Variants in TENM2 observed in about 807,000 individuals in gnomAD.
TENM2 encodes the protein teneurin transmembrane protein 2.
In TENM2, 52 loss-of-function variants were observed where a neutral mutation model predicts 245.2. The ratio of observed to expected loss-of-function variants is 0.21; its 90% CI spans 0.17 to 0.27. The LOEUF is 0.27. Among genes scored for constraint, TENM2 ranks in the 10% least tolerant of loss-of-function variants. The pLI is 1.00. For missense variants in TENM2, 3,046 were observed against 3,666.8 expected (o/e 0.83, Z 4.37); for synonymous variants, 1,363 against 1,438.9 (o/e 0.95, Z 1.19).
At chr5:167,445,911 C>T (rs1765180870) in intron 2 of TENM2, among the ~76,000 whole-genome samples, 1 of 152,086 alleles carries the variant, frequency 6.6e-6, no homozygotes, top group African/African-American at 2.4e-5. Context: ...CTGGTTTCTT[C>T]TTGGTGCTTA....
chr5:167,358,803 GCACACACACACA>G (rs58530155), intron 1 of TENM2, among the ~76,000 whole-genome samples: 9,370 of 143,846 alleles, frequency 0.065, 469 homozygotes, highest in Admixed American at 0.14. Context: ...ATTCTGATCT[GCACACACACACA>G]CACACACACA....
At chr5:167,848,882 C>T (rs1429190023) in intron 2 of TENM2, among the ~76,000 whole-genome samples, 2 of 152,138 alleles carry the variant, frequency 1.3e-5, no homozygotes, top group African/African-American at 4.8e-5. Flanking sequence ...TTAGATGGAC[C>T]ACTTAAAGCA....
chr5:167,026,233 G>C, the TENM2 span, among the ~76,000 whole-genome samples: 1 of 152,184 alleles, frequency 6.6e-6, no homozygotes, highest in Non-Finnish European at 1.5e-5. Flanking sequence ...CTCAGACAGG[G>C]TTAAAAACAA....
intron 2 of TENM2, among the ~76,000 whole-genome samples, chr5:167,803,141 A>G (rs953511658): frequency 1.9e-4 from 29 of 152,078 alleles, no homozygotes; most frequent in Non-Finnish European, 4.0e-4. Context: ...CAAATTCTTT[A>G]CCTCTTACAC....
At chr5:167,158,851 CCTTCCTTCCTTCCTTCCTTCCTT>C in the TENM2 span, among the ~76,000 whole-genome samples, 1 of 72,524 alleles carries the variant, frequency 1.4e-5, no homozygotes, top group African/African-American at 5.3e-5. Context: ...AGCAGCCCTT[CCTTCCTTCCTTCCTTCCTTCCTT>C]CCTTCCTTCC....
chr5:167,413,095 T>C (rs1051153310), intron 2 of TENM2, among the ~76,000 whole-genome samples: 2 of 152,136 alleles, frequency 1.3e-5, no homozygotes, highest in African/African-American at 4.8e-5. Context: ...TTTCGCACTA[T>C]TTTTGGCATC....
chr5:168,126,665 C>T (rs1795874220), intron 11 of TENM2, 89 bp from the exon 14 acceptor site: 4 of 1,101,080 alleles, frequency 3.6e-6, no homozygotes, highest in Non-Finnish European at 5.2e-6. Context: ...GGGGCCTGCT[C>T]CAGGGGTCTG....
At chr5:167,271,403 G>T in the TENM2 span, among the ~76,000 whole-genome samples, 1 of 152,034 alleles carries the variant, frequency 6.6e-6, no homozygotes, top group Non-Finnish European at 1.5e-5. Flanking sequence ...TTTGCAGGAG[G>T]TGTAACCATG....
At chr5:167,652,426 C>G (rs947924361) in intron 2 of TENM2, among the ~76,000 whole-genome samples, 2 of 152,146 alleles carry the variant, frequency 1.3e-5, no homozygotes, top group East Asian at 1.9e-4. Flanking sequence ...TCAGTCTCCT[C>G]CTCCTCTTCT....
At chr5:167,220,368 G>A in the TENM2 span, among the ~76,000 whole-genome samples, 3 of 152,186 alleles carry the variant, frequency 2.0e-5, no homozygotes, top group African/African-American at 7.2e-5. Flanking sequence ...TCACAAGGAA[G>A]CTAAGAACCC....
intron 1 of TENM2, among the ~76,000 whole-genome samples, chr5:167,313,580 C>G (rs1257909288): frequency 6.6e-6 from 1 of 152,118 alleles, no homozygotes; most frequent in African/African-American, 2.4e-5. Context: ...GACCAAATGT[C>G]TATATGGCCT....
chr5:167,958,769 G>T (rs947032221), intron 4 of TENM2, among the ~76,000 whole-genome samples: 3 of 152,162 alleles, frequency 2.0e-5, no homozygotes, highest in Admixed American at 6.5e-5. Context: ...GAAATTCTGG[G>T]TTGAAAATTC....
Position 167,727,104 on chromosome 5 carries a change from C to CTTTTTTTTTT in TENM2, c.503-148868_503-148859dup, listed in dbSNP as rs1227700479. Among the ~76,000 whole-genome samples, 61 of 96,122 alleles carry CTTTTTTTTTT rather than the reference C, an allele frequency of 6.3e-4. 1 individual carries two copies. The highest frequency in any genetic ancestry group is 1.1e-3 in the East Asian group (3 of 2,620). The allele number at this position is 96,122 out of a possible 152,430, so 63.1% of individuals were successfully genotyped here. A position where few individuals can be genotyped will look rare whatever the true frequency, so the allele number is the denominator to read the frequency against. ...AAATCAGTAATGAATCCATTAATTTCTTTTTTTTTTTTTTTTTTTTTTTGA... is the reference window on the plus strand; with the variant it reads ...AAATCAGTAATGAATCCATTAATTTCTTTTTTTTTTTTTTTTTTTTTTTTTTTTTTTTTGA... On this transcript the variant is annotated intron_variant, in intron 2 of 28. Coordinates refer to ENST00000518659, the Ensembl canonical transcript of TENM2.
At chr5:167,533,505 C>A (rs562616677) in intron 2 of TENM2, among the ~76,000 whole-genome samples, 3 of 151,970 alleles carry the variant, frequency 2.0e-5, no homozygotes, top group Non-Finnish European at 4.4e-5. Flanking sequence ...GCACATGGAG[C>A]GCCATGGTGC....
rs537416595 is a variant in TENM2, at chr5:167,506,390, C to T, written c.502+130917C>T. On this transcript the variant is annotated intron_variant, in intron 2 of 28. Transcript: ENST00000518659. ...GGCTCTATGAATAACAGGGAGATAA[C>T]TGCTTTAACTACAACTAACTTTGTG... Among the ~76,000 whole-genome samples the T allele has an allele frequency of 3.3e-5, 5 of 152,240 alleles. No individual in the cohort carries two copies. The South Asian group carries it at 1.0e-3, about 32-fold the overall frequency.
intron 4 of TENM2, among the ~76,000 whole-genome samples, chr5:167,955,103 A>G (rs1780446058): frequency 6.6e-6 from 1 of 152,210 alleles, no homozygotes; most frequent in East Asian, 1.9e-4. Flanking sequence ...AAGCATTCCT[A>G]TTTCTCCACA....
At chr5:167,122,381 A>G in the TENM2 span, among the ~76,000 whole-genome samples, 314 of 152,106 alleles carry the variant, frequency 2.1e-3, no homozygotes, top group African/African-American at 7.3e-3. Context: ...AGGCTGCCCC[A>G]TTTGATATTT....
At chr5:167,384,662 A>T (rs1007976497) in intron 2 of TENM2, among the ~76,000 whole-genome samples, 1 of 152,028 alleles carries the variant, frequency 6.6e-6, no homozygotes, top group African/African-American at 2.4e-5. Flanking sequence ...CTTAGGAAGC[A>T]TCTGATTAAA....
chr5:167,931,934 A>G (rs1274249672), intron 3 of TENM2, among the ~76,000 whole-genome samples: 1 of 152,182 alleles, frequency 6.6e-6, no homozygotes, highest in East Asian at 1.9e-4. Flanking sequence ...TCTTAGTTCA[A>G]CCTCTATGAG....
Sources: gnomAD v4.1 joint callset for allele counts (sites outside exome capture counted in the v4.1 genomes callset) on GRCh38, gnomAD v4.1.1 for gene constraint, MANE v1.5 for transcripts, NCBI Gene and HGNC (gene_info 2026-07-23, HGNC 2026-07-21) for gene names.